The following ZNF718 variants were observed in gnomAD, a reference collection of about 807,000 sequenced individuals.
The protein encoded by ZNF718 is zinc finger protein 718.
A neutral mutation model predicts 2.6 loss-of-function variants in ZNF718; 3 were observed. The ratio of observed to expected loss-of-function variants is 1.16; its 90% CI spans 0.53 to 3.01. ZNF718 has a LOEUF of 3.01. Ranked by LOEUF, ZNF718 falls within the 30% of genes most tolerant of loss-of-function variation. The probability of loss-of-function intolerance (pLI) is 0.03; values close to 1 mark genes in which losing one functional copy is unlikely to be tolerated. For missense variants in ZNF718, 468 were observed against 230.0 expected (o/e 2.03, Z -6.69); for synonymous variants, 135 against 77.9 (o/e 1.73, Z -3.86).
intron 3 of ZNF718, among the ~76,000 whole-genome samples, chr4:134,369 A>G (rs1321464536): frequency 6.6e-6 from 1 of 152,140 alleles, no homozygotes; most frequent in Admixed American, 6.5e-5. Flanking sequence ...GATGGTCTCT[A>G]TCTGACCTCG....
intron 3 of ZNF718, among the ~76,000 whole-genome samples, chr4:175,145 C>G (rs1311505527): frequency 6.6e-6 from 1 of 152,240 alleles, no homozygotes; most frequent in African/African-American, 2.4e-5. Context: ...AAATCCCTGA[C>G]TCAATTTCAA....
rs1553807582 is a variant in ZNF718 at position 124,610 on chromosome 4, G to A, written c.-61G>A. The A allele has an allele frequency of 6.2e-7, 1 of 1,600,818 alleles. No homozygotes were observed. The highest frequency in any genetic ancestry group is 2.2e-5 in the East Asian group (1 of 44,754). ...CCACAGCCTCAGCCTCTGTGGCTCT[G>A]TGACCTGCCGGTATTGGATGATTCG... is the stretch of plus-strand genomic sequence containing the variant. On this transcript the variant is annotated 5_prime_UTR_variant, in exon 1 of 4. In the 5' UTR this introduces an upstream ATG that the reference lacks. Coordinates refer to ENST00000510175, the MANE Select transcript of ZNF718 (RefSeq NM_001039127.6).
intron 3 of ZNF718, among the ~76,000 whole-genome samples, chr4:151,743 G>A (rs1365675780): frequency 6.6e-6 from 1 of 152,088 alleles, no homozygotes; most frequent in African/African-American, 2.4e-5. Context: ...ACCAACCAAT[G>A]TAGGGGTGGG....
At chr4:178,011 C>G (rs1345194445) in intron 3 of ZNF718, among the ~76,000 whole-genome samples, 1 of 152,098 alleles carries the variant, frequency 6.6e-6, no homozygotes, top group African/African-American at 2.4e-5. Context: ...CTGAAACACC[C>G]CTTAAGACAC....
chr4:130,852 C>T lies in ZNF718; in HGVS notation c.68C>T (p.Thr23Ile), dbSNP rs1482910683. Residue 23 changes from threonine (T) to isoleucine (I), a missense_variant, in exon 2 of 4, where the codon ACT becomes ATT. Transcript: ENST00000510175. The stretch of plus-strand genomic sequence containing the variant: ...CCAGAAGAGTGGAAATGTCTGGACA[C>T]TTCCCAGCAGAATTTATATAGAGAT... Reference protein sequence around the residue: ...FSPEEWKCLDTSQQNLYRDVM... With the variant: ...FSPEEWKCLDISQQNLYRDVM... 0.39 allele frequency: 150,410 copies of T among 384,324 alleles called. 59,439 individuals carry two copies. The highest frequency in any genetic ancestry group is 0.92 in the East Asian group (11,467 of 12,456). The allele number at this position is 384,324 out of a possible 1,614,324, so 23.8% of individuals were successfully genotyped here.
chr4:169,631 T>C (rs1717175244), intron 3 of ZNF718, among the ~76,000 whole-genome samples: 1 of 152,204 alleles, frequency 6.6e-6, no homozygotes, highest in Non-Finnish European at 1.5e-5. Flanking sequence ...CTTTTGATCT[T>C]TGTTAGTTTA....
At chr4:187,236 T>C (rs1056675990) in intron 3 of ZNF718, among the ~76,000 whole-genome samples, 1 of 152,112 alleles carries the variant, frequency 6.6e-6, no homozygotes, top group African/African-American at 2.4e-5. Context: ...TTTGTTTTTG[T>C]TTTTTGTTGA....
chr4:148,818 A>G (rs185747868), intron 3 of ZNF718, among the ~76,000 whole-genome samples: 6 of 152,214 alleles, frequency 3.9e-5, no homozygotes, highest in Admixed American at 1.3e-4. Flanking sequence ...GACACAGGAC[A>G]TTATGAATTC....
intron 3 of ZNF718, among the ~76,000 whole-genome samples, chr4:143,458 T>G (rs61792257): frequency 0.18 from 28,132 of 152,098 alleles, 2,763 homozygotes; most frequent in Admixed American, 0.26. Flanking sequence ...AGTGCTAGGA[T>G]TACAGGCGTG....
At chr4:154,362 T>C (rs782343708) in intron 3 of ZNF718, among the ~76,000 whole-genome samples, 1 of 151,958 alleles carries the variant, frequency 6.6e-6, no homozygotes, top group African/African-American at 2.4e-5. Context: ...CAGGCAGAGG[T>C]TGGAACAGCT....
intron 3 of ZNF718, among the ~76,000 whole-genome samples, chr4:133,193 AAAATAT>A (rs1380033158): frequency 2.0e-4 from 4 of 20,396 alleles, no homozygotes; most frequent in African/African-American, 8.9e-4. Flanking sequence ...AAAAAAAAAA[AAAATAT>A]ATATATATAT....
chr4:188,800 C>T (rs1016315094), intron 3 of ZNF718, among the ~76,000 whole-genome samples: 2 of 152,018 alleles, frequency 1.3e-5, no homozygotes, highest in African/African-American at 4.8e-5. Flanking sequence ...CTATTCTTGG[C>T]TGGGGCTGGG....
At chr4:154,583 C>T (rs930809578) in intron 3 of ZNF718, among the ~76,000 whole-genome samples, 10 of 152,172 alleles carry the variant, frequency 6.6e-5, no homozygotes, top group African/African-American at 2.2e-4. Context: ...TGCTCCTGCA[C>T]TAGAGATCTG....
intron 3 of ZNF718, among the ~76,000 whole-genome samples, chr4:159,993 G>A (rs1021001849): frequency 6.6e-6 from 1 of 152,116 alleles, no homozygotes; most frequent in Non-Finnish European, 1.5e-5. Flanking sequence ...CTAGAATTTT[G>A]TGTTTATTCT....
At position 124,586 on chromosome 4, in the gene ZNF718, C is replaced by G. The variant is rs1446878385; in HGVS notation, c.-85C>G. Reference sequence around the variant, plus strand: ...CTTAGGGAAGCCTCGGTGATTCTGCCACAGCCTCAGCCTCTGTGGCTCTGT... The same window carrying G: ...CTTAGGGAAGCCTCGGTGATTCTGCGACAGCCTCAGCCTCTGTGGCTCTGT... On this transcript the variant is annotated 5_prime_UTR_variant, in exon 1 of 4. Transcript: ENST00000510175. The G allele has an allele frequency of 8.2e-6, 13 of 1,578,932 alleles. No individual in the cohort carries two copies. The highest frequency in any genetic ancestry group is 9.5e-6 in the Non-Finnish European group (11 of 1,160,756).
At chr4:200,740 A>G (rs967912495) in intron 3 of ZNF718, among the ~76,000 whole-genome samples, 3 of 152,176 alleles carry the variant, frequency 2.0e-5, no homozygotes, top group Admixed American at 1.3e-4. Flanking sequence ...TAAAAGGCAA[A>G]TAGTTGTTTT....
At chr4:182,991 C>G (rs1304473553) in intron 3 of ZNF718, among the ~76,000 whole-genome samples, 1 of 152,096 alleles carries the variant, frequency 6.6e-6, no homozygotes, top group Non-Finnish European at 1.5e-5. Context: ...TGTGCAGAAG[C>G]TCTTTAGTTT....
At chr4:191,816 C>G (rs1717698362) in intron 3 of ZNF718, among the ~76,000 whole-genome samples, 1 of 152,108 alleles carries the variant, frequency 6.6e-6, no homozygotes, top group African/African-American at 2.4e-5. Flanking sequence ...AGGCTGCTCC[C>G]AAGATGGGGC....
intron 3 of ZNF718, among the ~76,000 whole-genome samples, chr4:182,903 A>G (rs1459800323): frequency 6.6e-6 from 1 of 151,986 alleles, no homozygotes; most frequent in Non-Finnish European, 1.5e-5. Context: ...TGGATATTTG[A>G]CCTTTGTCAG....
Sources: gnomAD v4.1 joint callset for allele counts (sites outside exome capture counted in the v4.1 genomes callset) on GRCh38, gnomAD v4.1.1 for gene constraint, MANE v1.5 for transcripts, NCBI Gene and HGNC (gene_info 2026-07-23, HGNC 2026-07-21) for gene names.